The following ZDHHC6 variants were observed in gnomAD, a reference collection of about 807,000 sequenced individuals.
ZDHHC6 encodes zDHHC palmitoyltransferase 6.
A neutral mutation model predicts 57.8 loss-of-function variants in ZDHHC6; 32 were observed. The ratio of observed to expected loss-of-function variants is 0.55; its 90% CI spans 0.42 to 0.74. ZDHHC6 has a LOEUF of 0.74. ZDHHC6 is among the 30% of genes least tolerant of loss of function. The pLI, the probability that ZDHHC6 is intolerant of heterozygous loss-of-function variation, is 0.00. For missense variants in ZDHHC6, 433 were observed against 500.7 expected (o/e 0.86, Z 1.29); for synonymous variants, 128 against 158.0 (o/e 0.81, Z 1.42).
downstream of ZDHHC6, chr10:112,426,146 G>A (rs965156582): frequency 3.7e-6 from 3 of 806,776 alleles, no homozygotes; most frequent in East Asian, 7.8e-5. Context: ...CTGGATTTAA[G>A]GTTTTGGGGA....
At chr10:112,441,219 C>T (rs1324487895) in intron 4 of ZDHHC6, among the ~76,000 whole-genome samples, 1 of 152,220 alleles carries the variant, frequency 6.6e-6, no homozygotes, top group Non-Finnish European at 1.5e-5. Context: ...TCAAATGTTA[C>T]TTTTTGTTGT....
downstream of ZDHHC6, chr10:112,426,177 A>ATTT: frequency 9.1e-7 from 1 of 1,094,312 alleles, no homozygotes; most frequent in Non-Finnish European, 1.4e-6. Flanking sequence ...ACAATGACAT[A>ATTT]ATTCTGCTTT....
chr10:112,427,253 C>A, downstream of ZDHHC6: 1 of 1,613,370 alleles, frequency 6.2e-7, no homozygotes. Flanking sequence ...AGCCATTTTC[C>A]ATTGAAAATG....
At chr10:112,447,506 A>G (rs773276803), upstream of ZDHHC6, 1 of 1,605,420 alleles carries the variant, frequency 6.2e-7, no homozygotes, top group Admixed American at 1.7e-5. Context: ...TGCTGGGGAG[A>G]GCTGGGAGGG....
chr10:112,430,748 T>G lies in ZDHHC6; in HGVS notation c.*56A>C. The G allele has an allele frequency of 6.8e-7, 1 of 1,468,934 alleles. No homozygotes were observed. The highest frequency in any genetic ancestry group is 9.4e-7 in the Non-Finnish European group (1 of 1,060,182). 91.0% of individuals were successfully genotyped at this position (1,468,934 alleles called of 1,614,324 possible). ...CTCATTGCATAATTCTTTAGTAATA[T>G]GTACAATTTTCAAGTAATTAAGCAG... is the stretch of plus-strand genomic sequence containing the variant. On this transcript the variant is annotated 3_prime_UTR_variant, in exon 11 of 11. Coordinates refer to ENST00000369405, the MANE Select transcript of ZDHHC6 (RefSeq NM_022494.3).
chr10:112,436,462 C>T (rs11195957), intron 6 of ZDHHC6, among the ~76,000 whole-genome samples: 9,922 of 152,148 alleles, frequency 0.065, 406 homozygotes, highest in East Asian at 0.13. Context: ...GGCAACAGAG[C>T]GAGACTCCGT....
intron 10 of ZDHHC6, among the ~76,000 whole-genome samples, chr10:112,431,880 G>C (rs2133756289): frequency 6.6e-6 from 1 of 152,254 alleles, no homozygotes; most frequent in African/African-American, 2.4e-5. Flanking sequence ...AGCTCCATCT[G>C]TTTTCAGTGC....
At chr10:112,445,849 T>G (rs1846610819) in intron 1 of ZDHHC6, among the ~76,000 whole-genome samples, 199 bp from the exon 2 acceptor site, 1 of 152,270 alleles carries the variant, frequency 6.6e-6, no homozygotes, top group African/African-American at 2.4e-5. Flanking sequence ...TTGAATGGCA[T>G]GCAAACTGGA....
At chr10:112,427,148 G>C, downstream of ZDHHC6, 2 of 1,488,150 alleles carry the variant, frequency 1.3e-6, no homozygotes, top group African/African-American at 2.8e-5. Flanking sequence ...TCTTCACAGA[G>C]CACTCAGGGG....
intron 5 of ZDHHC6, among the ~76,000 whole-genome samples, chr10:112,439,628 T>TAAAAAAAAAAAAAAAAAAAAAAAAAAAAA (rs869272293): frequency 1.6e-4 from 5 of 31,304 alleles, no homozygotes; most frequent in Non-Finnish European, 2.0e-4. Context: ...AGACTCCGTC[T>TAAAAAAAAAAAAAAAAAAAAAAAAAAAAA]AAAAAAAAAA....
chr10:112,433,631 C>G (rs988447178), intron 7 of ZDHHC6: 1 of 200,342 alleles, frequency 5.0e-6, no homozygotes, highest in African/African-American at 2.3e-5. Flanking sequence ...AGAGACATGG[C>G]AGACAAACTA....
At chr10:112,429,874 C>T (rs558791479), downstream of ZDHHC6, among the ~76,000 whole-genome samples, 6 of 151,670 alleles carry the variant, frequency 4.0e-5, no homozygotes, top group East Asian at 5.9e-4. Context: ...TCAGAGCTCA[C>T]GTACACCTGG....
chr10:112,436,535 A>C (rs1200886430), intron 6 of ZDHHC6, among the ~76,000 whole-genome samples: 1 of 152,238 alleles, frequency 6.6e-6, no homozygotes, highest in Non-Finnish European at 1.5e-5. Flanking sequence ...AGAAGCTCAG[A>C]CTTCAACCTG....
In ZDHHC6 at chr10:112,432,532, T is replaced by C; in HGVS notation, c.946-11A>G. The stretch of plus-strand genomic sequence containing the variant: ...TACTTTATAGCGAACCTGTCGTCAG[T>C]GATCAGAAGAAACCTTTAAATATTC... On this transcript the variant is annotated splice_polypyrimidine_tract_variant and intron_variant, in intron 8 of 10. Coordinates refer to ENST00000369405, the MANE Select transcript of ZDHHC6 (RefSeq NM_022494.3). 1 of 1,608,148 alleles carries C rather than the reference T, an allele frequency of 6.2e-7. No individual in the cohort carries two copies. The highest frequency in any genetic ancestry group is 8.5e-7 in the Non-Finnish European group (1 of 1,178,358).
chr10:112,428,537 C>T (rs368096975), downstream of ZDHHC6: 22 of 394,170 alleles, frequency 5.6e-5, no homozygotes, highest in African/African-American at 2.7e-4. Context: ...TTTGGGAGGC[C>T]GAGGCGGACG....
At chr10:112,447,441 T>C (rs757188958), upstream of ZDHHC6, 3 of 1,613,640 alleles carry the variant, frequency 1.9e-6, no homozygotes, top group East Asian at 2.2e-5. Context: ...ACCAGCAAGA[T>C]TGCGAGGGTC....
At chr10:112,433,905 CTT>C (rs1339251575) in intron 7 of ZDHHC6, among the ~76,000 whole-genome samples, 2 of 152,046 alleles carry the variant, frequency 1.3e-5, no homozygotes, top group African/African-American at 4.8e-5. Flanking sequence ...GTAGGTTAGA[CTT>C]TATGGAAGAG....
At chr10:112,447,122 G>A (rs898172126), upstream of ZDHHC6, 3 of 507,260 alleles carry the variant, frequency 5.9e-6, no homozygotes, top group African/African-American at 5.7e-5. Context: ...CACTAATTGG[G>A]GCGCTTTTCC....
downstream of ZDHHC6, chr10:112,426,676 A>G: frequency 3.2e-6 from 3 of 944,734 alleles, no homozygotes; most frequent in Non-Finnish European, 5.1e-6. Context: ...GCATAGTTTT[A>G]TATTCCTGCT....
Sources: gnomAD v4.1 joint callset for allele counts (sites outside exome capture counted in the v4.1 genomes callset) on GRCh38, gnomAD v4.1.1 for gene constraint, MANE v1.5 for transcripts, NCBI Gene and HGNC (gene_info 2026-07-23, HGNC 2026-07-21) for gene names.